The following AP4E1 variants were observed in gnomAD, a reference collection of about 807,000 sequenced individuals.
AP4E1 encodes the protein AP-4 complex subunit epsilon-1.
AP4E1 carries 56 observed loss-of-function variants against 128.2 expected under a neutral mutation model. The observed-to-expected ratio is 0.44, with a 90% CI of 0.35 to 0.55. The LOEUF is 0.55. Among genes scored for constraint, AP4E1 ranks in the 20% least tolerant of loss-of-function variants. AP4E1 has a pLI of 0.00. For missense variants in AP4E1, 1,324 were observed against 1,307.7 expected (o/e 1.01, Z -0.19); for synonymous variants, 484 against 473.1 (o/e 1.02, Z -0.30).
intron 13 of AP4E1, 128 bp downstream of exon 13, chr15:50,950,297 C>A: frequency 1.6e-6 from 1 of 639,192 alleles, no homozygotes; most frequent in Non-Finnish European, 2.7e-6. Flanking sequence ...TTTCAAATGG[C>A]CACCATCTAT....
upstream of AP4E1, chr15:50,908,415 A>G: frequency 5.4e-6 from 1 of 185,436 alleles, no homozygotes; most frequent in Non-Finnish European, 1.1e-5. Context: ...GGCTACGCGG[A>G]GGCGGCTAGT....
chr15:50,960,431 G>A (rs1327983736), intron 14 of AP4E1, among the ~76,000 whole-genome samples: 1 of 152,012 alleles, frequency 6.6e-6, no homozygotes, highest in East Asian at 1.9e-4. Context: ...ACCTTCTCAG[G>A]CTGCATGTGA....
chr15:50,975,608 C>T (rs1017016384), intron 15 of AP4E1, among the ~76,000 whole-genome samples: 3 of 152,082 alleles, frequency 2.0e-5, no homozygotes, highest in African/African-American at 7.2e-5. Context: ...GTTGACTATA[C>T]ATGCTTGGAT....
chr15:50,957,234 C>T (rs1301974362), intron 13 of AP4E1, among the ~76,000 whole-genome samples: 1 of 152,118 alleles, frequency 6.6e-6, no homozygotes, highest in East Asian at 1.9e-4. Flanking sequence ...GTGAAAGTGG[C>T]TCTCGGCAGG....
intron 3 of AP4E1, among the ~76,000 whole-genome samples, chr15:50,916,710 T>C (rs1306651014): frequency 1.3e-5 from 2 of 152,230 alleles, no homozygotes; most frequent in Admixed American, 6.5e-5. Context: ...TTAGATCTTT[T>C]AAACTTGTTA....
chr15:50,980,133 C>T (rs1245953817), intron 15 of AP4E1, among the ~76,000 whole-genome samples: 1 of 152,130 alleles, frequency 6.6e-6, no homozygotes, highest in Admixed American at 6.6e-5. Context: ...GAAATATGGG[C>T]TTCACTGTCT....
At chr15:50,917,809 T>TA (rs2063647651) in intron 3 of AP4E1, among the ~76,000 whole-genome samples, 1 of 152,140 alleles carries the variant, frequency 6.6e-6, no homozygotes, top group African/African-American at 2.4e-5. Context: ...AATTAATAGT[T>TA]ACAGTACAGG....
chr15:50,952,888 T>C (rs2064170709), intron 13 of AP4E1, among the ~76,000 whole-genome samples: 1 of 152,152 alleles, frequency 6.6e-6, no homozygotes, highest in South Asian at 2.1e-4. Flanking sequence ...ATATATAATA[T>C]CAGTTTGTCC....
At chr15:50,911,944 A>G in intron 1 of AP4E1, 134 bp from the exon 2 acceptor site, 1 of 761,230 alleles carries the variant, frequency 1.3e-6, no homozygotes, top group South Asian at 1.6e-5. Flanking sequence ...AGCAGATAGT[A>G]TTTGTAACTC....
rs550659183 is a variant in AP4E1 at position 50,923,164 on chromosome 15, C to A, written c.347-767C>A. Reference sequence around the variant, plus strand: ...AAGTAATGCTTATAAAGTACTTGACCCATAGTGACTGTCTAATTAAAGTGT... The same window carrying A: ...AAGTAATGCTTATAAAGTACTTGACACATAGTGACTGTCTAATTAAAGTGT... On this transcript the variant is annotated intron_variant, in intron 3 of 20. Transcript: ENST00000261842. 3.9e-5 allele frequency among the ~76,000 whole-genome samples: 6 copies of A among 152,190 alleles called. No individual in the cohort carries two copies. The South Asian group carries it at 1.0e-3, about 26-fold the overall frequency.
intron 10 of AP4E1, among the ~76,000 whole-genome samples, chr15:50,947,770 A>G (rs1004954427): frequency 2.6e-5 from 4 of 152,204 alleles, no homozygotes; most frequent in Non-Finnish European, 5.9e-5. Context: ...TCATGTAGAG[A>G]TGTCAGGTTG....
chr15:50,957,867 C>T (rs949639639), intron 13 of AP4E1, among the ~76,000 whole-genome samples: 3 of 151,542 alleles, frequency 2.0e-5, no homozygotes, highest in Non-Finnish European at 4.4e-5. Context: ...ATTAGAGATG[C>T]GGTTTCACCA....
At chr15:50,993,298 G>C in intron 16 of AP4E1, 72 bp from the exon 17 acceptor site, 1 of 1,539,038 alleles carries the variant, frequency 6.5e-7, no homozygotes, top group Non-Finnish European at 9.0e-7. Flanking sequence ...GATATGTTTT[G>C]AAAGAATGCC....
chr15:50,997,946 C>G (rs1236140034), intron 18 of AP4E1, 63 bp downstream of exon 18: 4 of 1,282,784 alleles, frequency 3.1e-6, no homozygotes, highest in Non-Finnish European at 4.3e-6. Context: ...TTTTCCTGTG[C>G]TCTTTAAATG....
intron 8 of AP4E1, among the ~76,000 whole-genome samples, chr15:50,937,744 A>T (rs2141169639): frequency 6.6e-6 from 1 of 152,296 alleles, no homozygotes; most frequent in South Asian, 2.1e-4. Flanking sequence ...GGTGGAGGGA[A>T]CATGAGAGAA....
intron 7 of AP4E1, among the ~76,000 whole-genome samples, chr15:50,932,686 G>C (rs941541587): frequency 1.3e-5 from 2 of 152,156 alleles, no homozygotes; most frequent in African/African-American, 4.8e-5. Context: ...TTTGCTTCTA[G>C]AAATCAACTT....
chr15:50,950,018 G>A (rs2064125530), intron 12 of AP4E1, 33 bp from the exon 13 acceptor site: 1 of 1,593,222 alleles, frequency 6.3e-7, no homozygotes. Context: ...ATAAGTTTGT[G>A]GAAATTAAAA....
chr15:50,956,964 C>T (rs11070824), intron 13 of AP4E1, among the ~76,000 whole-genome samples: 120,731 of 152,010 alleles, frequency 0.79, 48,019 homozygotes, highest in African/African-American at 0.86. Context: ...CAGAGTGAGT[C>T]GCTTTTGGGC....
At chr15:50,996,348 T>G (rs2140933042) in intron 17 of AP4E1, among the ~76,000 whole-genome samples, 1 of 151,992 alleles carries the variant, frequency 6.6e-6, no homozygotes, top group East Asian at 1.9e-4. Context: ...TAACTACTAT[T>G]TGATAGTTAT....
Sources: allele counts gnomAD v4.1 joint callset (sites outside exome capture counted in the v4.1 genomes callset), GRCh38; gene constraint gnomAD v4.1.1; transcripts MANE v1.5; gene names NCBI Gene and HGNC (gene_info 2026-07-23, HGNC 2026-07-21).